Variants in CTNNA3 observed in about 807,000 individuals in gnomAD.
CTNNA3 encodes catenin alpha-3.
In CTNNA3, 76 loss-of-function variants were observed where a neutral mutation model predicts 95.7. The ratio of observed to expected loss-of-function variants is 0.79; its 90% CI spans 0.66 to 0.96. CTNNA3 has a LOEUF of 0.96. CTNNA3 is among the 40% of genes least tolerant of loss of function. The pLI, the probability that CTNNA3 is intolerant of heterozygous loss-of-function variation, is 0.00. For synonymous variants in CTNNA3, 431 were observed against 374.4 expected (o/e 1.15, Z -1.74); for missense variants, 1,191 against 1,089.8 (o/e 1.09, Z -1.31).
intron 10 of CTNNA3, among the ~76,000 whole-genome samples, chr10:66,528,456 T>G (rs1841346398): frequency 6.6e-6 from 1 of 152,198 alleles, no homozygotes; most frequent in African/African-American, 2.4e-5. Flanking sequence ...TTTCTTTGTG[T>G]CCCTCTAGGT....
chr10:67,501,399 T>A (rs1282877693), intron 5 of CTNNA3, among the ~76,000 whole-genome samples: 1 of 152,196 alleles, frequency 6.6e-6, no homozygotes, highest in African/African-American at 2.4e-5. Flanking sequence ...CTTAACATTT[T>A]TTCCTTCATT....
At chr10:67,330,133 C>G (rs1266302128) in intron 5 of CTNNA3, among the ~76,000 whole-genome samples, 1 of 152,182 alleles carries the variant, frequency 6.6e-6, no homozygotes, top group Non-Finnish European at 1.5e-5. Flanking sequence ...GCAAGGGAAA[C>G]TGGGAGGTAT....
chr10:67,724,974 T>C (rs1163775199), intron 1 of CTNNA3, among the ~76,000 whole-genome samples: 1 of 152,064 alleles, frequency 6.6e-6, no homozygotes, highest in Non-Finnish European at 1.5e-5. Context: ...AAATTCTTAT[T>C]ACATTTTATT....
At chr10:66,520,526 A>G (rs1259515351) in intron 11 of CTNNA3, 91 bp downstream of exon 11, 1 of 1,186,702 alleles carries the variant, frequency 8.4e-7, no homozygotes, top group Admixed American at 2.5e-5. Context: ...TGTTGGCATT[A>G]CAGGCATGAG....
In CTNNA3 at chr10:66,443,319, C is replaced by G. The variant is rs185782703; in HGVS notation, c.1532-63967G>C. Among the ~76,000 whole-genome samples the G allele has an allele frequency of 3.3e-3, 504 of 152,256 alleles. 1 individual carries two copies. Among genetic ancestry groups the G allele is most frequent in the African/African-American group, 0.012 (483 of 41,560 alleles). ...GCTTTGAAGAGAGTAATGGTTCTCC[C>G]AGCACGCAGCTGGAGATCTGAGAAC... On this transcript the variant is annotated intron_variant, in intron 11 of 17. Coordinates refer to ENST00000433211, the MANE Select transcript of CTNNA3 (RefSeq NM_013266.4).
Position 66,834,749 on chromosome 10 carries a change from G to A in CTNNA3, c.1048-59225C>T, listed in dbSNP as rs551183429. ...GCATGCAAGGCCTGCTAGAGCTCTC[G>A]TGAAAATCTTTTAAATCTTTTCACC... On this transcript the variant is annotated intron_variant, in intron 7 of 17. Coordinates refer to ENST00000433211, the MANE Select transcript of CTNNA3 (RefSeq NM_013266.4). 4.6e-5 allele frequency among the ~76,000 whole-genome samples: 7 copies of A among 152,276 alleles called. No homozygotes were observed. In the South Asian group the frequency reaches 8.3e-4, roughly 18 times the overall value.
chr10:66,236,165 C>T (rs1354849673), intron 13 of CTNNA3, among the ~76,000 whole-genome samples: 1 of 152,202 alleles, frequency 6.6e-6, no homozygotes, highest in Non-Finnish European at 1.5e-5. Flanking sequence ...CAAACGGAGA[C>T]AATGAGATAC....
At chr10:67,304,065 A>G (rs1564549982) in intron 5 of CTNNA3, among the ~76,000 whole-genome samples, 1 of 152,206 alleles carries the variant, frequency 6.6e-6, no homozygotes, top group African/African-American at 2.4e-5. Context: ...TCTTAGTTCT[A>G]TACTACACTT....
At chr10:66,117,489 G>A (rs1452364840) in intron 13 of CTNNA3, among the ~76,000 whole-genome samples, 2 of 152,102 alleles carry the variant, frequency 1.3e-5, no homozygotes, top group African/African-American at 4.8e-5. Context: ...TGATTTTGCA[G>A]CAGGGGACCA....
Position 67,132,311 on chromosome 10 carries a change from T to C in CTNNA3, c.1047+48006A>G, listed in dbSNP as rs74142303. 5.2e-3 allele frequency among the ~76,000 whole-genome samples: 795 copies of C among 152,188 alleles called. 6 individuals carry two copies. The highest frequency in any genetic ancestry group is 0.018 in the African/African-American group (755 of 41,550). ...AATTTTAGGCATATGGAGGCATCTA[T>C]GAGATTAAGTAGAAATCTAAGAGTC... On this transcript the variant is annotated intron_variant, in intron 7 of 17. Coordinates refer to ENST00000433211, the MANE Select transcript of CTNNA3 (RefSeq NM_013266.4).
intron 9 of CTNNA3, among the ~76,000 whole-genome samples, chr10:66,730,124 C>A (rs1361735186): frequency 1.4e-5 from 2 of 147,936 alleles, no homozygotes; most frequent in South Asian, 2.2e-4. Flanking sequence ...AAAAAAAGAT[C>A]ATTCTATTAT....
chr10:67,379,439 C>A (rs1211144813), intron 5 of CTNNA3, among the ~76,000 whole-genome samples: 1 of 152,114 alleles, frequency 6.6e-6, no homozygotes, highest in Non-Finnish European at 1.5e-5. Context: ...AGGCATTATA[C>A]AAAGATATTA....
At chr10:65,994,029 A>G (rs889071158) in intron 15 of CTNNA3, among the ~76,000 whole-genome samples, 2 of 152,144 alleles carry the variant, frequency 1.3e-5, no homozygotes, top group African/African-American at 4.8e-5. Context: ...TCACCAAGCT[A>G]TATCTTTTAA....
intron 5 of CTNNA3, among the ~76,000 whole-genome samples, chr10:67,457,100 A>T (rs972579526): frequency 6.6e-6 from 1 of 152,196 alleles, no homozygotes; most frequent in African/African-American, 2.4e-5. Context: ...AGGATAGCTA[A>T]TATAAGAAAT....
At position 67,364,473 on chromosome 10, in the gene CTNNA3, G is replaced by T. The variant is rs535810056; in HGVS notation, c.580-144603C>A. Among the ~76,000 whole-genome samples the T allele has an allele frequency of 4.6e-5, 7 of 152,226 alleles. No individual in the cohort carries two copies. The South Asian group carries it at 1.5e-3, about 32-fold the overall frequency. Reference sequence around the variant, plus strand: ...TGTAGTGTTGGAAGTCCTGGCCAGGGCAATTAGGCAGGAGAAAGAAATAAA... The same window carrying T: ...TGTAGTGTTGGAAGTCCTGGCCAGGTCAATTAGGCAGGAGAAAGAAATAAA... On this transcript the variant is annotated intron_variant, in intron 5 of 17. Transcript: ENST00000433211.
intron 9 of CTNNA3, among the ~76,000 whole-genome samples, chr10:66,628,190 T>C (rs1319267970): frequency 1.3e-5 from 2 of 152,158 alleles, no homozygotes; most frequent in African/African-American, 4.8e-5. Context: ...TAATAATTTA[T>C]CTCTATCTGG....
intron 7 of CTNNA3, among the ~76,000 whole-genome samples, chr10:67,113,802 T>G (rs1022335039): frequency 2.6e-5 from 4 of 152,194 alleles, no homozygotes; most frequent in Non-Finnish European, 5.9e-5. Flanking sequence ...ACTTTGTTAA[T>G]AAAACAAGGT....
At chr10:66,508,210 G>GTTTTTTTTT (rs756807793) in intron 11 of CTNNA3, among the ~76,000 whole-genome samples, 8 of 108,418 alleles carry the variant, frequency 7.4e-5, no homozygotes, top group African/African-American at 2.8e-4. Flanking sequence ...TTTGTTTTCT[G>GTTTTTTTTT]TTTTTTTTTT....
intron 6 of CTNNA3, among the ~76,000 whole-genome samples, chr10:67,183,069 G>A (rs1408009609): frequency 1.3e-5 from 2 of 152,166 alleles, no homozygotes; most frequent in Non-Finnish European, 2.9e-5. Context: ...GGAGAAACAG[G>A]AACACTTTTA....
Sources: allele counts gnomAD v4.1 joint callset (sites outside exome capture counted in the v4.1 genomes callset), GRCh38; gene constraint gnomAD v4.1.1; transcripts MANE v1.5; gene names NCBI Gene and HGNC (gene_info 2026-07-23, HGNC 2026-07-21).